GLT1D1: variants seen among roughly 807,000 people sequenced by gnomAD.
The protein encoded by GLT1D1 is glycosyltransferase 1 domain containing 1, also known as glycosyltransferase 1 domain-containing protein 1.
A neutral mutation model predicts 28.7 loss-of-function variants in GLT1D1; 21 were observed. That is an observed-to-expected ratio of 0.73 (90% CI 0.52 to 1.05). The LOEUF is 1.05. GLT1D1 is among the 50% of genes least tolerant of loss of function. GLT1D1 has a pLI of 0.00. For synonymous variants in GLT1D1, 147 were observed against 124.8 expected (o/e 1.18, Z -1.19); for missense variants, 343 against 330.6 (o/e 1.04, Z -0.29).
chr12:128,908,843 G>A (rs1017470616), intron 4 of GLT1D1, among the ~76,000 whole-genome samples: 1 of 152,152 alleles, frequency 6.6e-6, no homozygotes, highest in East Asian at 1.9e-4. Flanking sequence ...CAGCTACTCG[G>A]GAGGCTGAGG....
intron 7 of GLT1D1, among the ~76,000 whole-genome samples, chr12:128,973,225 C>G (rs1477133474): frequency 1.0e-5 from 1 of 96,404 alleles, no homozygotes; most frequent in Non-Finnish European, 2.4e-5. Flanking sequence ...CTCTGTTGCC[C>G]GGGCTGGAGT....
At position 128,959,966 on chromosome 12, in the gene GLT1D1, A is replaced by C. The variant is rs557422031; in HGVS notation, c.639+2323A>C. On this transcript the variant is annotated intron_variant, in intron 7 of 7. Coordinates refer to ENST00000281703, the MANE Select transcript of GLT1D1 (RefSeq NM_144669.3). ...TATAAGTGGATCTATTAGGCTGAAC[A>C]AAAGAATGAGAGCTGTTTGGCTCTT... Among the ~76,000 whole-genome samples the C allele has an allele frequency of 2.0e-5, 3 of 152,338 alleles. No individual in the cohort carries two copies. The East Asian group carries it at 5.8e-4, about 29-fold the overall frequency.
chr12:128,867,397 C>CAAAAAAAAAAAAAA (rs1158997935), intron 1 of GLT1D1, among the ~76,000 whole-genome samples: 4 of 59,266 alleles, frequency 6.7e-5, no homozygotes, highest in South Asian at 6.7e-4. Flanking sequence ...AACTCCTTCT[C>CAAAAAAAAAAAAAA]AAAAAAAAAA....
intron 1 of GLT1D1, chr12:128,864,001 C>CCTG: frequency 2.3e-6 from 1 of 433,968 alleles, no homozygotes; most frequent in South Asian, 5.4e-5. Flanking sequence ...CTGGAAGGAC[C>CCTG]CTGCGATGCT....
intron 7 of GLT1D1, among the ~76,000 whole-genome samples, chr12:128,970,837 C>T (rs1402256714): frequency 6.6e-6 from 1 of 152,210 alleles, no homozygotes; most frequent in Non-Finnish European, 1.5e-5. Flanking sequence ...CTATAAACAC[C>T]AGTCCCCAGC....
intron 4 of GLT1D1, among the ~76,000 whole-genome samples, chr12:128,909,954 A>T (rs546874185): frequency 1.3e-5 from 2 of 152,398 alleles, no homozygotes; most frequent in East Asian, 3.9e-4. Context: ...ATATTGAGCA[A>T]AGAAAGCTAA....
intron 7 of GLT1D1, among the ~76,000 whole-genome samples, chr12:128,981,736 G>A (rs1318402003): frequency 6.6e-6 from 1 of 152,232 alleles, no homozygotes; most frequent in Admixed American, 6.5e-5. Context: ...GGTAATGAGA[G>A]CTAAGTATGT....
chr12:128,915,163 T>A (rs542558712), intron 4 of GLT1D1, among the ~76,000 whole-genome samples, 174 bp downstream of exon 6: 18 of 152,336 alleles, frequency 1.2e-4, no homozygotes, highest in African/African-American at 3.8e-4. Context: ...ACAGCAGGGC[T>A]AGAAAGCCAG....
At chr12:128,898,950 C>G (rs1869938424) in intron 3 of GLT1D1, among the ~76,000 whole-genome samples, 1 of 152,202 alleles carries the variant, frequency 6.6e-6, no homozygotes, top group African/African-American at 2.4e-5. Flanking sequence ...CCTGCATCTT[C>G]ATTTCTTGCT....
intron 7 of GLT1D1, among the ~76,000 whole-genome samples, chr12:128,969,810 C>T (rs986564136): frequency 6.6e-6 from 1 of 152,224 alleles, no homozygotes; most frequent in African/African-American, 2.4e-5. Flanking sequence ...GTCATCCTGA[C>T]ACTTGGCTCT....
chr12:128,977,765 CTT>C (rs1565928587), intron 7 of GLT1D1, among the ~76,000 whole-genome samples: 2 of 141,376 alleles, frequency 1.4e-5, no homozygotes, highest in African/African-American at 5.3e-5. Context: ...GAGTTCTTTT[CTT>C]TTTTCTTTTT....
At chr12:128,933,027 G>A (rs944415170) in intron 4 of GLT1D1, among the ~76,000 whole-genome samples, 4 of 152,204 alleles carry the variant, frequency 2.6e-5, no homozygotes, top group African/African-American at 9.7e-5. Context: ...AGCGTGGGGG[G>A]CCTCTGGGCA....
At chr12:128,865,986 T>C (rs1956503866) in intron 1 of GLT1D1, among the ~76,000 whole-genome samples, 1 of 152,076 alleles carries the variant, frequency 6.6e-6, no homozygotes, top group Non-Finnish European at 1.5e-5. Context: ...GAAGGTGATA[T>C]GCAAATGCTG....
At chr12:128,884,223 C>T (rs1050060785) in intron 2 of GLT1D1, among the ~76,000 whole-genome samples, 4 of 152,010 alleles carry the variant, frequency 2.6e-5, no homozygotes, top group Non-Finnish European at 4.4e-5. Flanking sequence ...TAATGGAAAA[C>T]GAAGGATATT....
intron 7 of GLT1D1, among the ~76,000 whole-genome samples, chr12:128,964,625 A>G (rs1401037562): frequency 1.3e-5 from 2 of 152,140 alleles, no homozygotes; most frequent in Non-Finnish European, 2.9e-5. Context: ...CACCTTCATA[A>G]TCACCGTTGG....
intron 2 of GLT1D1, 41 bp downstream of exon 2, chr12:128,876,103 T>C: frequency 1.3e-6 from 2 of 1,568,928 alleles, no homozygotes; most frequent in Non-Finnish European, 1.7e-6. Context: ...CTAGAAATTC[T>C]GAAAACCGGA....
At chr12:128,958,795 C>T (rs1384709117) in intron 7 of GLT1D1, among the ~76,000 whole-genome samples, 6 of 133,444 alleles carry the variant, frequency 4.5e-5, no homozygotes, top group South Asian at 2.4e-4. Context: ...ATTGTCACTA[C>T]GTATGCCTCT....
At chr12:128,971,042 G>A (rs1375412785) in intron 7 of GLT1D1, among the ~76,000 whole-genome samples, 2 of 152,134 alleles carry the variant, frequency 1.3e-5, no homozygotes, top group Admixed American at 6.5e-5. Flanking sequence ...CCACACACTT[G>A]TACTTTAACT....
chr12:128,888,827 A>G, intron 3 of GLT1D1, 83 bp downstream of exon 3: 1 of 868,480 alleles, frequency 1.2e-6, no homozygotes, highest in Non-Finnish European at 1.8e-6. Flanking sequence ...CGAGGGCACC[A>G]ATTGCCGGGA....
Sources: gnomAD v4.1 joint callset for allele counts (sites outside exome capture counted in the v4.1 genomes callset) on GRCh38, gnomAD v4.1.1 for gene constraint, MANE v1.5 for transcripts, NCBI Gene and HGNC (gene_info 2026-07-23, HGNC 2026-07-21) for gene names.